ZFPM1: variants seen among roughly 807,000 people sequenced by gnomAD.
ZFPM1 encodes the protein zinc finger protein ZFPM1.
Under a neutral mutation model 46.3 loss-of-function variants are expected in ZFPM1, and 28 were observed. The ratio of observed to expected loss-of-function variants is 0.60; its 90% CI spans 0.45 to 0.83. The LOEUF (loss-of-function observed/expected upper bound fraction) is 0.83, where lower values mean the gene tolerates loss of function less well. ZFPM1 is among the 40% of genes least tolerant of loss of function. The pLI is 0.00. For synonymous variants in ZFPM1, 957 were observed against 675.9 expected, an observed-to-expected ratio of 1.42 and a Z score of -6.45; for missense variants, 1,878 against 1,432.4, an observed-to-expected ratio of 1.31 and a Z score of -5.02.
intron 3 of ZFPM1, among the ~76,000 whole-genome samples, chr16:88,493,175 G>T (rs1165162644): frequency 9.1e-6 from 1 of 110,176 alleles, no homozygotes; most frequent in Non-Finnish European, 2.2e-5. Flanking sequence ...AGCTGTCCCG[G>T]AGTGAGGAGA....
intron 4 of ZFPM1, chr16:88,516,232 T>A (rs750670015): frequency 5.0e-6 from 2 of 398,602 alleles, no homozygotes; most frequent in East Asian, 7.1e-5. Context: ...AGCTCCTTAA[T>A]GGTAGGGCTG....
chr16:88,502,766 C>T (rs1199894743), intron 3 of ZFPM1, among the ~76,000 whole-genome samples: 3 of 152,264 alleles, frequency 2.0e-5, no homozygotes, highest in African/African-American at 7.2e-5. Flanking sequence ...CTCAGGTCAG[C>T]ATGTCAAAGA....
Position 88,514,631 on chromosome 16 carries a change from A to C in ZFPM1, c.402+111A>C, listed in dbSNP as rs552236187. The C allele has an allele frequency of 4.3e-5, 58 of 1,346,896 alleles. No individual in the cohort carries two copies. In the East Asian group the frequency reaches 1.4e-3, roughly 34 times the overall value. 83.4% of individuals were successfully genotyped at this position (1,346,896 alleles called of 1,614,324 possible). On this transcript the variant is annotated intron_variant, in intron 4 of 9. Transcript: ENST00000319555. The stretch of plus-strand genomic sequence containing the variant: ...GCTCCGGGGCTCTGGCCACTTGAAG[A>C]TGTGGGCCTGAGATATTGGGACCTG...
chr16:88,472,643 C>A (rs932739113), intron 1 of ZFPM1, among the ~76,000 whole-genome samples: 17 of 152,184 alleles, frequency 1.1e-4, no homozygotes, highest in Admixed American at 1.1e-3. Flanking sequence ...TGAGCCACTG[C>A]GCCCGGCCTG....
At chr16:88,528,261 C>G in intron 6 of ZFPM1, 23 bp downstream of exon 6, 2 of 1,568,998 alleles carry the variant, frequency 1.3e-6, no homozygotes, top group Non-Finnish European at 1.7e-6. Flanking sequence ...CTCTCCGCAC[C>G]CAGGGCGGCT....
At chr16:88,525,988 C>G (rs1024672520) in intron 4 of ZFPM1, among the ~76,000 whole-genome samples, 1 of 152,268 alleles carries the variant, frequency 6.6e-6, no homozygotes, top group Non-Finnish European at 1.5e-5. Context: ...CCTCCCCTTC[C>G]CAGGCCTCAG....
At chr16:88,476,334 G>C (rs1016276497) in intron 1 of ZFPM1, among the ~76,000 whole-genome samples, 2 of 152,200 alleles carry the variant, frequency 1.3e-5, no homozygotes, top group Non-Finnish European at 2.9e-5. Context: ...GACCCTTCCC[G>C]TGTCCATCAG....
intron 4 of ZFPM1, among the ~76,000 whole-genome samples, chr16:88,523,858 G>A (rs1462923722): frequency 4.6e-5 from 7 of 151,582 alleles, no homozygotes; most frequent in South Asian, 2.1e-4. Context: ...CTCCCCACCC[G>A]CACAGCCAGG....
At chr16:88,517,140 A>C (rs1911351534) in intron 4 of ZFPM1, among the ~76,000 whole-genome samples, 1 of 151,214 alleles carries the variant, frequency 6.6e-6, no homozygotes, top group African/African-American at 2.4e-5. Context: ...ATACAGAAGA[A>C]ACACTCGTGG....
chr16:88,461,433 G>A (rs1282311428), intron 1 of ZFPM1, among the ~76,000 whole-genome samples: 2 of 152,276 alleles, frequency 1.3e-5, no homozygotes, highest in South Asian at 4.1e-4. Context: ...TCTGGGGACC[G>A]CTTCGGACAA....
intron 2 of ZFPM1, 92 bp downstream of exon 2, chr16:88,486,135 G>A: frequency 4.6e-6 from 6 of 1,312,696 alleles, no homozygotes; most frequent in African/African-American, 1.5e-5. Context: ...GTGTCTGAGA[G>A]GTGTGGGCCA....
intron 3 of ZFPM1, among the ~76,000 whole-genome samples, chr16:88,499,280 C>G (rs1910115875): frequency 6.6e-6 from 1 of 152,250 alleles, no homozygotes; most frequent in Non-Finnish European, 1.5e-5. Flanking sequence ...CCGGCACTCA[C>G]TCACTCCCTT....
At chr16:88,483,820 T>C (rs1379565637) in intron 1 of ZFPM1, among the ~76,000 whole-genome samples, 3 of 152,204 alleles carry the variant, frequency 2.0e-5, no homozygotes, top group African/African-American at 7.2e-5. Flanking sequence ...CACAGCCTGC[T>C]CATGATCAGA....
chr16:88,531,959 A>AGGCTGGCC, intron 6 of ZFPM1, 43 bp from the exon 7 acceptor site: 1 of 1,541,418 alleles, frequency 6.5e-7, no homozygotes. Flanking sequence ...CCTGGCTGGC[A>AGGCTGGCC]GGCTGGCCTT....
In ZFPM1 at chr16:88,535,013, C is replaced by G. The variant is rs772816087; in HGVS notation, c.*34C>G. On this transcript the variant is annotated 3_prime_UTR_variant, in exon 10 of 10. Coordinates refer to ENST00000319555, the MANE Select transcript of ZFPM1 (RefSeq NM_153813.3). ...ACTACAGCCGCAGACGCTTTGCACG[C>G]CCCGCTGCGATGCGGGGAGGGGGCC... 6 of 1,358,898 alleles carry G rather than the reference C, an allele frequency of 4.4e-6. No individual in the cohort carries two copies. In the East Asian group the frequency reaches 1.4e-4, roughly 32 times the overall value. The allele number at this position is 1,358,898 out of a possible 1,614,324, so 84.2% of individuals were successfully genotyped here. A position where few individuals can be genotyped will look rare whatever the true frequency, so the allele number is the denominator to read the frequency against.
chr16:88,533,093 G>T, intron 9 of ZFPM1, 55 bp from the exon 10 acceptor site: 2 of 1,437,832 alleles, frequency 1.4e-6, no homozygotes, highest in South Asian at 2.8e-5. Context: ...CTCCAGCTCT[G>T]ACCGGCCAGG....
At chr16:88,481,588 G>A (rs1908944054) in intron 1 of ZFPM1, among the ~76,000 whole-genome samples, 1 of 152,040 alleles carries the variant, frequency 6.6e-6, no homozygotes, top group South Asian at 2.1e-4. Context: ...CTGCCCCCAA[G>A]GTCCTGCTTA....
chr16:88,516,391 C>T lies in ZFPM1; in HGVS notation c.402+1871C>T, dbSNP rs112221965. 605 of 397,756 alleles carry T rather than the reference C, an allele frequency of 1.5e-3. 2 individuals are homozygous for T. Among genetic ancestry groups the T allele is most frequent in the African/African-American group, 1.3e-3 (62 of 48,766 alleles). 24.6% of individuals were successfully genotyped at this position (397,756 alleles called of 1,614,324 possible). On this transcript the variant is annotated intron_variant, in intron 4 of 9. Transcript: ENST00000319555. The stretch of plus-strand genomic sequence containing the variant: ...GGGGATACGGGCACGGGGTTAGAAA[C>T]GCTCCCAAGTGGGGAGATAACGTCT...
At chr16:88,517,292 G>A (rs1175958964) in intron 4 of ZFPM1, among the ~76,000 whole-genome samples, 1 of 149,876 alleles carries the variant, frequency 6.7e-6, no homozygotes, top group Non-Finnish European at 1.5e-5. Flanking sequence ...CTGGGTGGAT[G>A]AGTGGGTGGA....
Sources: allele counts gnomAD v4.1 joint callset (sites outside exome capture counted in the v4.1 genomes callset), GRCh38; gene constraint gnomAD v4.1.1; transcripts MANE v1.5; gene names NCBI Gene and HGNC (gene_info 2026-07-23, HGNC 2026-07-21).